Variants in MRPL37 observed in about 807,000 individuals in gnomAD.
The protein encoded by MRPL37 is mitochondrial ribosomal protein L37.
MRPL37 carries 34 observed loss-of-function variants against 44.1 expected under a neutral mutation model. That is an observed-to-expected ratio of 0.77 (90% CI 0.59 to 1.03). MRPL37 has a LOEUF of 1.03. Ranked by LOEUF, MRPL37 falls within the 50% of genes least tolerant of loss-of-function variation. The pLI, the probability that MRPL37 is intolerant of heterozygous loss-of-function variation, is 0.00. For missense variants in MRPL37, 532 were observed against 543.7 expected (o/e 0.98, Z 0.21); for synonymous variants, 212 against 219.5 (o/e 0.97, Z 0.30).
Position 54,205,131 on chromosome 1 carries a change from G to T in MRPL37, c.460G>T (p.Val154Phe). The T allele has an allele frequency of 1.9e-6, 3 of 1,614,090 alleles. No individual in the cohort carries two copies. The highest frequency in any genetic ancestry group is 2.5e-6 in the Non-Finnish European group (3 of 1,180,030). Residue 154 changes from valine (V) to phenylalanine (F), a missense_variant, in exon 2 of 7, where the codon GTT becomes TTT. Val to Phe is a conservative substitution (Grantham distance 50). Transcript: ENST00000360840. ...RNHIENQDEC[V>F]LNVISHARLW... ...CCACATAGAGAACCAAGACGAGTGC[G>T]TTCTGAATGTGATCTCTCACGCCCG...
chr1:54,224,816 C>A (rs991673079), downstream of MRPL37, among the ~76,000 whole-genome samples: 1 of 152,226 alleles, frequency 6.6e-6, no homozygotes, highest in African/African-American at 2.4e-5. Flanking sequence ...TGCCTCTCTC[C>A]ATATCTTGCC....
At chr1:54,224,181 A>G (rs909467228), downstream of MRPL37, among the ~76,000 whole-genome samples, 1 of 111,106 alleles carries the variant, frequency 9.0e-6, no homozygotes, top group Non-Finnish European at 2.0e-5. Context: ...CACCATTGAT[A>G]CAGGTTAGTC....
At position 54,212,528 on chromosome 1, in the gene MRPL37, A is replaced by G. The variant is rs147830832; in HGVS notation, c.860A>G (p.Tyr287Cys). The stretch of plus-strand genomic sequence containing the variant: ...TTCCAGGAAGGCTATCCTTACCCCT[A>G]TCCCCATACCCTGTACTTACTGGAC... Reference protein sequence around the residue: ...TGFQEGYPYPYPHTLYLLDKA... With the variant: ...TGFQEGYPYPCPHTLYLLDKA... The change falls in exon 5 of 7, where the codon TAT (tyrosine) becomes TGT (cysteine). Residue 287 changes from tyrosine to cysteine, a missense_variant. Transcript: ENST00000360840. 8.1e-6 allele frequency: 13 copies of G among 1,614,008 alleles called. No individual in the cohort carries two copies. The highest frequency in any genetic ancestry group is 6.7e-5 in the East Asian group (3 of 44,898).
intron 5 of MRPL37, among the ~76,000 whole-genome samples, 159 bp downstream of exon 5, chr1:54,212,817 A>G (rs571972141): frequency 7.2e-5 from 11 of 152,352 alleles, no homozygotes; most frequent in African/African-American, 2.6e-4. Flanking sequence ...AGATGAGCCA[A>G]CATCACTAGG....
At chr1:54,207,795 A>G (rs1644134700) in intron 3 of MRPL37, among the ~76,000 whole-genome samples, 1 of 152,210 alleles carries the variant, frequency 6.6e-6, no homozygotes, top group South Asian at 2.1e-4. Flanking sequence ...ATCCACCCCC[A>G]GATGTAGTAT....
chr1:54,211,891 G>A (rs531415095), intron 4 of MRPL37, among the ~76,000 whole-genome samples: 4 of 152,272 alleles, frequency 2.6e-5, no homozygotes, highest in Admixed American at 1.3e-4. Context: ...GTAGCCATGC[G>A]GGAGAAGAGA....
chr1:54,208,368 C>T (rs947466190), intron 3 of MRPL37, among the ~76,000 whole-genome samples: 2 of 152,018 alleles, frequency 1.3e-5, no homozygotes, highest in South Asian at 2.1e-4. Flanking sequence ...CGGTGAAACC[C>T]GGTCTCTACT....
intron 5 of MRPL37, among the ~76,000 whole-genome samples, chr1:54,213,282 G>C (rs1644176966): frequency 6.6e-6 from 1 of 152,232 alleles, no homozygotes; most frequent in Non-Finnish European, 1.5e-5. Flanking sequence ...TCCAGGGAGG[G>C]GAGGGCTATA....
intron 3 of MRPL37, among the ~76,000 whole-genome samples, chr1:54,208,386 C>A (rs906832670): frequency 2.0e-5 from 3 of 151,558 alleles, no homozygotes; most frequent in Non-Finnish European, 4.4e-5. Flanking sequence ...ACTAAAAATA[C>A]AAAAACAAAA....
rs1644183853 is a variant in MRPL37, at chr1:54,214,260, GTT to G, written c.990+1607_990+1608del. ...AACATGGCATTATTTAATCCTTGTAGTTTTTTAACCCCATGTGGCAGATGCTA... is the reference window on the plus strand; with the variant it reads ...AACATGGCATTATTTAATCCTTGTAGTTTTAACCCCATGTGGCAGATGCTA... On this transcript the variant is annotated intron_variant, in intron 5 of 6. Transcript: ENST00000360840. 2.6e-5 allele frequency among the ~76,000 whole-genome samples: 4 copies of G among 152,308 alleles called. No individual in the cohort carries two copies. In the South Asian group the frequency reaches 8.3e-4, roughly 32 times the overall value.
At chr1:54,200,948 T>G (rs1485102068) in intron 1 of MRPL37, among the ~76,000 whole-genome samples, 1 of 152,224 alleles carries the variant, frequency 6.6e-6, no homozygotes, top group Non-Finnish European at 1.5e-5. Flanking sequence ...AGGTCTGACA[T>G]TCTGGAGATT....
intron 5 of MRPL37, among the ~76,000 whole-genome samples, chr1:54,212,905 C>G (rs1644174814): frequency 6.6e-6 from 1 of 152,206 alleles, no homozygotes; most frequent in African/African-American, 2.4e-5. Flanking sequence ...TCCCCACTTT[C>G]TAAGCTATGC....
chr1:54,214,443 AT>A (rs1644184517), intron 5 of MRPL37, among the ~76,000 whole-genome samples: 1 of 152,192 alleles, frequency 6.6e-6, no homozygotes, highest in East Asian at 1.9e-4. Context: ...TTCTCTGACT[AT>A]ATACTTCCTG....
chr1:54,217,680 GCTTT>G (rs1644207560), intron 6 of MRPL37, among the ~76,000 whole-genome samples: 1 of 152,086 alleles, frequency 6.6e-6, no homozygotes, highest in Non-Finnish European at 1.5e-5. Context: ...ATTTCTTCCT[GCTTT>G]CTTCTTTTTC....
chr1:54,215,177 G>T (rs1339052615), intron 5 of MRPL37, among the ~76,000 whole-genome samples: 1 of 152,148 alleles, frequency 6.6e-6, no homozygotes, highest in Non-Finnish European at 1.5e-5. Context: ...ATGAGGTGCC[G>T]CTATTAGATA....
At chr1:54,219,544 C>T (rs1197082731), downstream of MRPL37, among the ~76,000 whole-genome samples, 2 of 152,148 alleles carry the variant, frequency 1.3e-5, no homozygotes, top group South Asian at 4.1e-4. Flanking sequence ...GAACACCAAG[C>T]ACCTCACCTC....
downstream of MRPL37, among the ~76,000 whole-genome samples, chr1:54,223,371 A>C (rs1287515556): frequency 6.6e-6 from 1 of 152,220 alleles, no homozygotes; most frequent in Non-Finnish European, 1.5e-5. Flanking sequence ...TTCTGGGCTC[A>C]ATCTCCTGGA....
In MRPL37 at chr1:54,200,218, G is replaced by A. The variant is rs199576695; in HGVS notation, c.-26G>A. On this transcript the variant is annotated 5_prime_UTR_variant, in exon 1 of 7. The change creates a premature stop within an existing upstream ORF in the 5' untranslated region. Transcript: ENST00000360840. ...CGCGGCAACATGGCGGGGTCCAGGTGGAGGTCTTGAGGCTATCAGATCGGT... is the reference window on the plus strand; with the variant it reads ...CGCGGCAACATGGCGGGGTCCAGGTAGAGGTCTTGAGGCTATCAGATCGGT... 1,395 of 1,521,074 alleles carry A rather than the reference G, an allele frequency of 9.2e-4. 3 individuals carry two copies. Among genetic ancestry groups the A allele is most frequent in the Non-Finnish European group, 1.1e-3 (1,307 of 1,141,226 alleles). The allele number at this position is 1,521,074 out of a possible 1,614,324, so 94.2% of individuals were successfully genotyped here.
chr1:54,225,082 T>C (rs774951056), downstream of MRPL37: 41 of 1,234,088 alleles, frequency 3.3e-5, no homozygotes, highest in African/African-American at 5.6e-4. Context: ...CGACTCCCCA[T>C]AGAAAACAGA....
Sources: gnomAD v4.1 joint callset for allele counts (sites outside exome capture counted in the v4.1 genomes callset) on GRCh38, gnomAD v4.1.1 for gene constraint, MANE v1.5 for transcripts, NCBI Gene and HGNC (gene_info 2026-07-23, HGNC 2026-07-21) for gene names.